Variants in MTMR9 observed in about 807,000 individuals in gnomAD.
MTMR9 encodes myotubularin related protein 9.
In MTMR9, 39 loss-of-function variants were observed where a neutral mutation model predicts 69.5. That is an observed-to-expected ratio of 0.56 (90% CI 0.43 to 0.73). MTMR9 has a LOEUF of 0.73. Ranked by LOEUF, MTMR9 falls within the 30% of genes least tolerant of loss-of-function variation. The pLI is 0.00. For missense variants in MTMR9, 900 were observed against 671.2 expected, an observed-to-expected ratio of 1.34 and a Z score of -3.77; for synonymous variants, 354 against 240.8, an observed-to-expected ratio of 1.47 and a Z score of -4.35.
At chr8:11,319,385 G>T in intron 8 of MTMR9, 1 of 255,216 alleles carries the variant, frequency 3.9e-6, no homozygotes, top group Non-Finnish European at 7.3e-6. Context: ...GGACTTTTGT[G>T]TACAGTAATG....
chr8:11,298,720 ACCCC>A, intron 2 of MTMR9: 14 of 726,192 alleles, frequency 1.9e-5, no homozygotes, highest in Non-Finnish European at 2.3e-5. Context: ...TCCCCGCTGC[ACCCC>A]CCCCCCGCCA....
intron 7 of MTMR9, chr8:11,315,897 G>A (rs1800394645): frequency 6.6e-6 from 1 of 152,152 alleles, no homozygotes; most frequent in South Asian, 2.1e-4. Flanking sequence ...ACAATTCTGT[G>A]AACCACTGTA....
intron 2 of MTMR9, among the ~76,000 whole-genome samples, chr8:11,297,660 C>T (rs1315861096): frequency 6.6e-6 from 1 of 151,896 alleles, no homozygotes; most frequent in African/African-American, 2.4e-5. Flanking sequence ...TGGTGAGGCA[C>T]AGTGGTGAAG....
chr8:11,302,496 C>T (rs181107130), intron 3 of MTMR9, among the ~76,000 whole-genome samples: 442 of 151,968 alleles, frequency 2.9e-3, no homozygotes, highest in African/African-American at 0.01. Context: ...GACAAATGAC[C>T]TGCATGGTGT....
At chr8:11,301,106 T>C (rs1585116771) in intron 3 of MTMR9, among the ~76,000 whole-genome samples, 1 of 152,222 alleles carries the variant, frequency 6.6e-6, no homozygotes, top group East Asian at 1.9e-4. Flanking sequence ...TCTCCCTTAA[T>C]TGATCTGTAG....
chr8:11,303,811 G>A (rs1220952079), intron 3 of MTMR9, among the ~76,000 whole-genome samples: 1 of 152,072 alleles, frequency 6.6e-6, no homozygotes, highest in African/African-American at 2.4e-5. Context: ...CGGGATGATA[G>A]GTGTGAACCA....
intron 2 of MTMR9, 47 bp downstream of exon 2, chr8:11,295,349 T>A (rs3765196): frequency 9.5e-7 from 1 of 1,050,816 alleles, no homozygotes; most frequent in Non-Finnish European, 1.5e-6. Flanking sequence ...TTTTATATTA[T>A]GACTCAGTGT....
chr8:11,294,214 C>T (rs774329230), intron 1 of MTMR9, among the ~76,000 whole-genome samples: 10 of 151,914 alleles, frequency 6.6e-5, no homozygotes, highest in Non-Finnish European at 1.3e-4. Flanking sequence ...TTTTTTAATC[C>T]TTTTTTATTC....
chr8:11,338,204 A>C, the MTMR9 span, among the ~76,000 whole-genome samples: 1 of 152,244 alleles, frequency 6.6e-6, no homozygotes. Context: ...GGGATGCCAG[A>C]ACTTCCTCGG....
intron 1 of MTMR9, among the ~76,000 whole-genome samples, chr8:11,286,941 A>G (rs947332608): frequency 3.9e-5 from 6 of 152,040 alleles, no homozygotes; most frequent in East Asian, 3.9e-4. Flanking sequence ...GCCTCTCCCA[A>G]GTTTGTTTAA....
Position 11,323,073 on chromosome 8 carries a change from T to G in MTMR9, c.*285T>G. 4.3e-6 allele frequency: 1 copy of G among 231,944 alleles called. No homozygotes were observed. Among genetic ancestry groups the G allele is most frequent in the Admixed American group, 5.5e-5 (1 of 18,156 alleles). 14.4% of individuals were successfully genotyped at this position (231,944 alleles called of 1,614,324 possible). The stretch of plus-strand genomic sequence containing the variant: ...TGACCTATTTAATGCCATTTGTGTT[T>G]CATGCCATTTTATCCAAAGCTTTTT... On this transcript the variant is annotated 3_prime_UTR_variant, in exon 10 of 10. Coordinates refer to ENST00000221086, the MANE Select transcript of MTMR9 (RefSeq NM_015458.4).
chr8:11,313,747 C>G (rs772408809), intron 6 of MTMR9, among the ~76,000 whole-genome samples: 2 of 152,134 alleles, frequency 1.3e-5, no homozygotes, highest in Non-Finnish European at 2.9e-5. Context: ...CTTATATGGA[C>G]GTGGTTCCTG....
At chr8:11,294,913 C>T (rs1044639959) in intron 1 of MTMR9, 1 of 204,294 alleles carries the variant, frequency 4.9e-6, no homozygotes, top group Non-Finnish European at 9.7e-6. Context: ...AGTTACAGAT[C>T]TTTTTCCTAT....
At chr8:11,330,627 G>T (rs1372680064), downstream of MTMR9, among the ~76,000 whole-genome samples, 4 of 152,176 alleles carry the variant, frequency 2.6e-5, no homozygotes, top group Non-Finnish European at 4.4e-5. Flanking sequence ...CCCCAGCCCT[G>T]TGCTCTCTGG....
chr8:11,331,366 T>A, downstream of MTMR9: 1 of 1,614,012 alleles, frequency 6.2e-7, no homozygotes, highest in Non-Finnish European at 8.5e-7. Flanking sequence ...GCCCTGCTAC[T>A]TAAACTGCGT....
the MTMR9 span, among the ~76,000 whole-genome samples, chr8:11,336,893 T>A: frequency 6.6e-6 from 1 of 152,194 alleles, no homozygotes; most frequent in African/African-American, 2.4e-5. Context: ...ATTGTATGCA[T>A]CCAACTGTTT....
In MTMR9 at chr8:11,323,321, T is replaced by C. The variant is rs1191153517; in HGVS notation, c.*533T>C. 1.3e-5 allele frequency: 2 copies of C among 152,238 alleles called. No homozygotes were observed. Among genetic ancestry groups the C allele is most frequent in the Non-Finnish European group, 2.9e-5 (2 of 68,040 alleles). 9.4% of individuals were successfully genotyped at this position (152,238 alleles called of 1,614,324 possible). On this transcript the variant is annotated 3_prime_UTR_variant, in exon 10 of 10. Transcript: ENST00000221086. ...ATAGCCATTTTCTTTAAAATAGTTT[T>C]GGACTAACGAAGCTGAAATCTATTC...
downstream of MTMR9, chr8:11,331,028 C>G (rs1801197572): frequency 1.3e-6 from 2 of 1,518,330 alleles, no homozygotes; most frequent in Admixed American, 2.3e-5. Flanking sequence ...CACCCGCACT[C>G]CAATGAGGTC....
chr8:11,296,742 A>G (rs1260253429), intron 2 of MTMR9, among the ~76,000 whole-genome samples: 1 of 152,122 alleles, frequency 6.6e-6, no homozygotes, highest in Non-Finnish European at 1.5e-5. Context: ...TTCCATTGTT[A>G]TGGATGCATG....
Sources: gnomAD v4.1 joint callset for allele counts (sites outside exome capture counted in the v4.1 genomes callset) on GRCh38, gnomAD v4.1.1 for gene constraint, MANE v1.5 for transcripts, NCBI Gene and HGNC (gene_info 2026-07-23, HGNC 2026-07-21) for gene names.